Variants in CNTLN observed in about 807,000 individuals in gnomAD.
The protein encoded by CNTLN is centlein.
CNTLN carries 212 observed loss-of-function variants against 180.0 expected under a neutral mutation model. That is an observed-to-expected ratio of 1.18 (90% confidence interval 1.05 to 1.32). The LOEUF is 1.32. Among genes scored for constraint, CNTLN ranks in the 40% most tolerant of loss-of-function variants. The pLI is 0.00. For missense variants in CNTLN, 2,095 were observed against 1,610.9 expected, an observed-to-expected ratio of 1.30 and a Z score of -5.14; for synonymous variants, 722 against 563.1, an observed-to-expected ratio of 1.28 and a Z score of -3.99.
At chr9:17,326,745 A>T (rs534461090) in intron 8 of CNTLN, among the ~76,000 whole-genome samples, 2 of 152,126 alleles carry the variant, frequency 1.3e-5, no homozygotes, top group Non-Finnish European at 2.9e-5. Context: ...CTTTACCTCT[A>T]TGATCTTCCT....
At chr9:17,350,444 A>G (rs1822269003) in intron 12 of CNTLN, among the ~76,000 whole-genome samples, 1 of 152,180 alleles carries the variant, frequency 6.6e-6, no homozygotes, top group African/African-American at 2.4e-5. Context: ...TCAGGTCCTC[A>G]TAGCTTAGCA....
At chr9:17,309,714 T>G (rs900133780) in intron 8 of CNTLN, among the ~76,000 whole-genome samples, 2 of 152,084 alleles carry the variant, frequency 1.3e-5, no homozygotes, top group African/African-American at 4.8e-5. Flanking sequence ...TCTTACTATT[T>G]CCTGTGGTAA....
chr9:17,326,511 A>AT (rs774902640), intron 8 of CNTLN, among the ~76,000 whole-genome samples: 8 of 152,212 alleles, frequency 5.3e-5, no homozygotes, highest in South Asian at 4.1e-4. Context: ...TATATCATAT[A>AT]TTTTATTACT....
At chr9:17,188,100 C>T (rs960857365) in intron 2 of CNTLN, among the ~76,000 whole-genome samples, 3 of 151,048 alleles carry the variant, frequency 2.0e-5, no homozygotes, top group Middle Eastern at 3.4e-3. Context: ...CATGCTTTTC[C>T]TCCGCAAAGT....
intron 13 of CNTLN, among the ~76,000 whole-genome samples, chr9:17,385,255 CAG>C (rs1416650813): frequency 3.3e-5 from 5 of 152,164 alleles, no homozygotes; most frequent in Admixed American, 1.3e-4. Flanking sequence ...CCAAACTCCA[CAG>C]AGTTTGTTAT....
At chr9:17,213,009 C>T (rs1423718708) in intron 2 of CNTLN, among the ~76,000 whole-genome samples, 2 of 152,160 alleles carry the variant, frequency 1.3e-5, no homozygotes, top group Non-Finnish European at 2.9e-5. Flanking sequence ...AAACCAGCTG[C>T]TAGATTCATT....
At chr9:17,176,911 G>A (rs1343987000) in intron 2 of CNTLN, among the ~76,000 whole-genome samples, 1 of 152,124 alleles carries the variant, frequency 6.6e-6, no homozygotes, top group Non-Finnish European at 1.5e-5. Flanking sequence ...TGCAGTGTCT[G>A]TTGATAATCC....
rs1485473932 is a variant in CNTLN at position 17,389,536 on chromosome 9, A to G, written c.2079+1283A>G. On this transcript the variant is annotated intron_variant, in intron 14 of 25. Transcript: ENST00000380647. ...CATCCATTTTAAGACCTGAACAACC[A>G]ATATAAATTATTTTCATTGTACTGT... is the stretch of plus-strand genomic sequence containing the variant. 2.6e-5 allele frequency among the ~76,000 whole-genome samples: 4 copies of G among 151,774 alleles called. No individual in the cohort carries two copies. The South Asian group carries it at 6.2e-4, about 24-fold the overall frequency.
At chr9:17,247,444 G>T (rs1026907064) in intron 5 of CNTLN, among the ~76,000 whole-genome samples, 1 of 152,188 alleles carries the variant, frequency 6.6e-6, no homozygotes, top group African/African-American at 2.4e-5. Context: ...CACAGTCCCT[G>T]TGCTCTGCCT....
the CNTLN span, among the ~76,000 whole-genome samples, chr9:17,518,602 G>A: frequency 1.3e-5 from 2 of 152,132 alleles, no homozygotes; most frequent in African/African-American, 2.4e-5. Context: ...TACAGCTCAT[G>A]AATATTTATG....
chr9:17,384,526 G>C (rs931102783), intron 13 of CNTLN, among the ~76,000 whole-genome samples: 3 of 152,114 alleles, frequency 2.0e-5, no homozygotes, highest in Admixed American at 1.3e-4. Context: ...GTCATATCAA[G>C]TGATTGAAAT....
chr9:17,482,359 A>G (rs1228477905), intron 23 of CNTLN, among the ~76,000 whole-genome samples: 2 of 152,140 alleles, frequency 1.3e-5, no homozygotes, highest in Non-Finnish European at 2.9e-5. Flanking sequence ...TAAAAATAAG[A>G]AAATATATGT....
chr9:17,290,666 G>A (rs1829322536), intron 6 of CNTLN, among the ~76,000 whole-genome samples: 1 of 149,774 alleles, frequency 6.7e-6, no homozygotes, highest in African/African-American at 2.4e-5. Context: ...GCGAGACTCC[G>A]TGGGCGTAGG....
chr9:17,183,846 T>C (rs886065505), intron 2 of CNTLN, among the ~76,000 whole-genome samples: 6 of 152,056 alleles, frequency 3.9e-5, no homozygotes, highest in South Asian at 2.1e-4. Flanking sequence ...CTAATTTGCA[T>C]AGTAAAGATA....
chr9:17,484,287 T>G lies in CNTLN; in HGVS notation c.3856-8T>G, dbSNP rs768514705. 1.9e-6 allele frequency: 3 copies of G among 1,574,664 alleles called. No homozygotes were observed. The highest frequency in any genetic ancestry group is 1.7e-6 in the Non-Finnish European group (2 of 1,167,378). The stretch of plus-strand genomic sequence containing the variant: ...ATATAAGCTCAATTTCTTTCCAATA[T>G]GTTACAGGCTTTGGCCAAAGAGTTG... On this transcript the variant is annotated splice_region_variant and splice_polypyrimidine_tract_variant and intron_variant, in intron 23 of 25. Coordinates refer to ENST00000380647, the MANE Select transcript of CNTLN (RefSeq NM_017738.4).
At chr9:17,220,029 A>G (rs34146109) in intron 2 of CNTLN, among the ~76,000 whole-genome samples, 4,193 of 152,146 alleles carry the variant, frequency 0.028, 199 homozygotes, top group African/African-American at 0.095. Flanking sequence ...ATGAATTTTG[A>G]GGAGACACAA....
In CNTLN at chr9:17,457,382, G is replaced by A. The variant is rs753703270; in HGVS notation, c.3115-142G>A. ...AAATCTAGTAGAGGTTAAGATTTTT[G>A]TAAAGTTTGTATAATAACTATAATT... is the stretch of plus-strand genomic sequence containing the variant. On this transcript the variant is annotated intron_variant, in intron 18 of 25. Coordinates refer to ENST00000380647, the MANE Select transcript of CNTLN (RefSeq NM_017738.4). 4.0e-5 allele frequency: 19 copies of A among 479,304 alleles called. 1 individual carries two copies. The highest frequency in any genetic ancestry group is 6.0e-5 in the Non-Finnish European group (19 of 317,010). The allele number at this position is 479,304 out of a possible 1,614,324, so 29.7% of individuals were successfully genotyped here. A position where few individuals can be genotyped will look rare whatever the true frequency, so the allele number is the denominator to read the frequency against.
intron 6 of CNTLN, among the ~76,000 whole-genome samples, chr9:17,279,887 G>A (rs1245205283): frequency 8.1e-6 from 1 of 123,484 alleles, no homozygotes; most frequent in Non-Finnish European, 1.7e-5. Flanking sequence ...AATCCACTCA[G>A]GTATTAATGG....
At chr9:17,377,284 G>A (rs181156254) in intron 13 of CNTLN, among the ~76,000 whole-genome samples, 20 of 152,138 alleles carry the variant, frequency 1.3e-4, no homozygotes, top group African/African-American at 4.6e-4. Context: ...GGTGGCTCAC[G>A]CCTGTAATCC....
Sources: allele counts gnomAD v4.1 joint callset (sites outside exome capture counted in the v4.1 genomes callset), GRCh38; gene constraint gnomAD v4.1.1; transcripts MANE v1.5; gene names NCBI Gene and HGNC (gene_info 2026-07-23, HGNC 2026-07-21).